Variants in PRKACB observed in about 807,000 individuals in gnomAD.
PRKACB encodes the protein protein kinase cAMP-activated catalytic subunit beta.
In PRKACB, 16 loss-of-function variants were observed where a neutral mutation model predicts 51.4. The observed-to-expected ratio is 0.31, with a 90% confidence interval of 0.21 to 0.47. The LOEUF (loss-of-function observed/expected upper bound fraction) is 0.47, where lower values mean the gene tolerates loss of function less well. Ranked by LOEUF, PRKACB falls within the 20% of genes least tolerant of loss-of-function variation. PRKACB has a pLI of 1.00. For synonymous variants in PRKACB, 147 were observed against 154.4 expected, an observed-to-expected ratio of 0.95 and a Z score of 0.35; for missense variants, 309 against 464.5, an observed-to-expected ratio of 0.67 and a Z score of 3.08.
At chr1:84,133,211 G>T (rs564322897) in intron 1 of PRKACB, among the ~76,000 whole-genome samples, 20 of 151,948 alleles carry the variant, frequency 1.3e-4, no homozygotes, top group African/African-American at 4.6e-4. Context: ...ATGCAAGCAA[G>T]AAAAGAGTAG....
At chr1:84,166,416 T>A (rs1404083065) in intron 1 of PRKACB, among the ~76,000 whole-genome samples, 2 of 151,660 alleles carry the variant, frequency 1.3e-5, no homozygotes, top group African/African-American at 4.8e-5. Context: ...ACAGGATGGA[T>A]TGGATTTAGC....
At chr1:84,224,232 G>T (rs573503583) in intron 9 of PRKACB, among the ~76,000 whole-genome samples, 3 of 152,206 alleles carry the variant, frequency 2.0e-5, no homozygotes, top group Admixed American at 6.5e-5. Context: ...AAGCATACCT[G>T]CCCCTGGTGG....
intron 5 of PRKACB, among the ~76,000 whole-genome samples, chr1:84,193,628 C>G (rs1667418232): frequency 6.6e-6 from 1 of 152,096 alleles, no homozygotes; most frequent in African/African-American, 2.4e-5. Flanking sequence ...TCAAACTAGT[C>G]TTAGAGTCAC....
chr1:84,103,915 A>T (rs1649538357), intron 1 of PRKACB, among the ~76,000 whole-genome samples: 1 of 152,172 alleles, frequency 6.6e-6, no homozygotes, highest in Admixed American at 6.5e-5. Context: ...ATGTGTAATG[A>T]TCAAATCAGG....
rs978932965 is a variant in PRKACB at position 84,235,514 on chromosome 1, C to T, written c.*209C>T. ...TAAGCAAGCATTGTCTGTGCCATAA[C>T]ACAGTACTAGACCACTTTCTTACTT... On this transcript the variant is annotated 3_prime_UTR_variant, in exon 10 of 10. Transcript: ENST00000370685. 1 of 579,490 alleles carries T rather than the reference C, an allele frequency of 1.7e-6. No homozygotes were observed. The highest frequency in any genetic ancestry group is 3.0e-6 in the Non-Finnish European group (1 of 334,930). 35.9% of individuals were successfully genotyped at this position (579,490 alleles called of 1,614,324 possible). A position where few individuals can be genotyped will look rare whatever the true frequency, so the allele number is the denominator to read the frequency against.
intron 1 of PRKACB, among the ~76,000 whole-genome samples, chr1:84,130,976 G>C (rs1200731854): frequency 6.6e-6 from 1 of 152,156 alleles, no homozygotes; most frequent in African/African-American, 2.4e-5. Context: ...AATGTGTATA[G>C]GTCGGAAACA....
intron 1 of PRKACB, among the ~76,000 whole-genome samples, chr1:84,111,473 TA>T (rs1378599436): frequency 5.9e-5 from 9 of 152,156 alleles, no homozygotes; most frequent in Non-Finnish European, 1.3e-4. Context: ...AGTAATACCT[TA>T]TATTAGTATG....
chr1:84,136,060 ATCT>A (rs900229989), intron 1 of PRKACB, among the ~76,000 whole-genome samples: 2 of 152,082 alleles, frequency 1.3e-5, no homozygotes, highest in African/African-American at 4.8e-5. Context: ...TGAAAGATGG[ATCT>A]TCTTCACTGA....
At chr1:84,192,992 G>A (rs751908243) in intron 5 of PRKACB, among the ~76,000 whole-genome samples, 24 of 152,058 alleles carry the variant, frequency 1.6e-4, no homozygotes, top group Non-Finnish European at 2.6e-4. Context: ...GTCCTTACCA[G>A]GAAGAACAAT....
intron 9 of PRKACB, among the ~76,000 whole-genome samples, chr1:84,223,290 A>T (rs636247): frequency 0.98 from 148,979 of 151,680 alleles, 73,229 homozygotes; most frequent in East Asian, 1. Context: ...TAGTCTATTG[A>T]CAAAGCTCTC....
At chr1:84,175,520 A>C (rs1406972654) in intron 1 of PRKACB, among the ~76,000 whole-genome samples, 1 of 151,808 alleles carries the variant, frequency 6.6e-6, no homozygotes, top group Non-Finnish European at 1.5e-5. Context: ...AAATGTTAAT[A>C]GTGAAACATT....
At chr1:84,139,929 A>G (rs1653233435), upstream of PRKACB, among the ~76,000 whole-genome samples, 1 of 152,062 alleles carries the variant, frequency 6.6e-6, no homozygotes, top group Non-Finnish European at 1.5e-5. Flanking sequence ...GTGTGGTGGC[A>G]TGCATCTGTA....
chr1:84,164,922 C>T, intron 1 of PRKACB: 1 of 1,512,364 alleles, frequency 6.6e-7, no homozygotes, highest in Non-Finnish European at 8.8e-7. Flanking sequence ...ACCATCGGTT[C>T]TTCTCCCTCT....
intron 1 of PRKACB, among the ~76,000 whole-genome samples, chr1:84,160,417 T>C (rs1656033405): frequency 1.3e-5 from 2 of 151,270 alleles, no homozygotes; most frequent in South Asian, 2.1e-4. Flanking sequence ...TACTGATTTC[T>C]GTAATTAATA....
In PRKACB at chr1:84,236,286, T is replaced by G. The variant is rs939105819; in HGVS notation, c.*981T>G. On this transcript the variant is annotated 3_prime_UTR_variant, in exon 10 of 10. Transcript: ENST00000370685. ...GAACATTGGTTTAGATAAATACTTA[T>G]ACTTTGCAAAGTCAAAAATGGCTTG... The G allele has an allele frequency of 6.6e-6, 1 of 152,646 alleles. No homozygotes were observed. The highest frequency in any genetic ancestry group is 2.4e-5 in the African/African-American group (1 of 41,470). 9.5% of individuals were successfully genotyped at this position (152,646 alleles called of 1,614,324 possible).
chr1:84,188,188 GA>G (rs1242486316), intron 5 of PRKACB, among the ~76,000 whole-genome samples: 2 of 140,038 alleles, frequency 1.4e-5, no homozygotes, highest in Non-Finnish European at 3.2e-5. Context: ...TTTAAATCTG[GA>G]AACCAAAATA....
chr1:84,180,204 A>ATATATATATATATATATATATG (rs1347501164), intron 2 of PRKACB, among the ~76,000 whole-genome samples: 8 of 124,014 alleles, frequency 6.5e-5, no homozygotes, highest in African/African-American at 1.4e-4. Flanking sequence ...ATATATATAT[A>ATATATATATATATATATATATG]TATATGTATG....
intron 1 of PRKACB, chr1:84,165,113 T>C (rs2100730057): frequency 2.1e-6 from 2 of 974,462 alleles, no homozygotes; most frequent in East Asian, 5.4e-5. Context: ...CCACAGCTAC[T>C]GTGAATTATA....
At chr1:84,234,707 C>A (rs1182306005) in intron 9 of PRKACB, among the ~76,000 whole-genome samples, 1 of 152,220 alleles carries the variant, frequency 6.6e-6, no homozygotes, top group Non-Finnish European at 1.5e-5. Flanking sequence ...CTTTCTTTGA[C>A]TAGGAAAGGG....
Sources: allele counts gnomAD v4.1 joint callset (sites outside exome capture counted in the v4.1 genomes callset), GRCh38; gene constraint gnomAD v4.1.1; transcripts MANE v1.5; gene names NCBI Gene and HGNC (gene_info 2026-07-23, HGNC 2026-07-21).